The following MYO16 variants were observed in gnomAD, a reference collection of about 807,000 sequenced individuals.
MYO16 encodes unconventional myosin-XVI.
Under a neutral mutation model 205.3 loss-of-function variants are expected in MYO16, and 94 were observed. That is an observed-to-expected ratio of 0.46 (90% CI 0.39 to 0.54). MYO16 has a LOEUF of 0.54. MYO16 is among the 20% of genes least tolerant of loss of function. The pLI, the probability that MYO16 is intolerant of heterozygous loss-of-function variation, is 0.00. For synonymous variants in MYO16, 988 were observed against 954.0 expected, an observed-to-expected ratio of 1.04 and a Z score of -0.66; for missense variants, 2,315 against 2,387.5, an observed-to-expected ratio of 0.97 and a Z score of 0.63.
chr13:108,999,301 A>C (rs1248309182), intron 21 of MYO16, among the ~76,000 whole-genome samples: 1 of 152,196 alleles, frequency 6.6e-6, no homozygotes. Flanking sequence ...ATCTACCTCT[A>C]TCTTAAAGCA....
At chr13:109,052,552 G>C in intron 25 of MYO16, 77 bp downstream of exon 25, 2 of 1,140,178 alleles carry the variant, frequency 1.8e-6, no homozygotes, top group Non-Finnish European at 2.5e-6. Context: ...TTAAAAAAAA[G>C]CACAATTTTA....
intron 22 of MYO16, 90 bp from the exon 23 acceptor site, chr13:109,019,620 AC>A: frequency 9.8e-7 from 1 of 1,019,970 alleles, no homozygotes; most frequent in Middle Eastern, 3.3e-4. Context: ...TATGAATCTA[AC>A]AAAAATATAA....
chr13:109,161,100 A>G (rs1218230661), intron 32 of MYO16, among the ~76,000 whole-genome samples: 3 of 152,184 alleles, frequency 2.0e-5, no homozygotes, highest in Non-Finnish European at 2.9e-5. Flanking sequence ...GCGGAGGCTG[A>G]TGCATAATTC....
At chr13:108,554,769 G>A in the MYO16 span, among the ~76,000 whole-genome samples, 1 of 145,294 alleles carries the variant, frequency 6.9e-6, no homozygotes, top group Non-Finnish European at 1.5e-5. Flanking sequence ...AGAATGACGT[G>A]AACCCGGGAA....
At chr13:108,806,840 T>G (rs1486495097) in intron 7 of MYO16, 36 bp downstream of exon 7, 20 of 1,350,364 alleles carry the variant, frequency 1.5e-5, no homozygotes, top group Non-Finnish European at 1.9e-5. Context: ...AAAAATAATT[T>G]TATATAATTA....
chr13:108,775,438 T>C (rs529575772), intron 4 of MYO16, among the ~76,000 whole-genome samples: 1 of 152,298 alleles, frequency 6.6e-6, no homozygotes, highest in Non-Finnish European at 1.5e-5. Context: ...CAAAAGAAAT[T>C]ATTGAATCTG....
At chr13:108,886,695 T>C (rs983394526) in intron 13 of MYO16, among the ~76,000 whole-genome samples, 2 of 115,330 alleles carry the variant, frequency 1.7e-5, no homozygotes, top group African/African-American at 6.1e-5. Flanking sequence ...ACCGCAGGCT[T>C]GTTTAGGCAA....
intron 24 of MYO16, chr13:109,048,243 T>C (rs1160518401): frequency 3.2e-6 from 2 of 625,042 alleles, no homozygotes; most frequent in South Asian, 1.9e-5. Flanking sequence ...CTTATCTTAA[T>C]AGAGTCCCTG....
At chr13:109,105,329 A>G (rs1022785573) in intron 28 of MYO16, among the ~76,000 whole-genome samples, 13 of 152,156 alleles carry the variant, frequency 8.5e-5, no homozygotes, top group African/African-American at 1.9e-4. Context: ...AAAAATAGCC[A>G]GGGATGGTCG....
the MYO16 span, among the ~76,000 whole-genome samples, chr13:108,536,327 T>C: frequency 6.6e-6 from 1 of 152,078 alleles, no homozygotes; most frequent in African/African-American, 2.4e-5. Context: ...ACCCTGGACA[T>C]TCACAGTGGA....
At chr13:109,199,794 A>C (rs951235303) in intron 34 of MYO16, among the ~76,000 whole-genome samples, 1 of 152,172 alleles carries the variant, frequency 6.6e-6, no homozygotes, top group African/African-American at 2.4e-5. Context: ...ATAATATTTA[A>C]TTTACTGTGA....
chr13:108,684,423 T>C (rs1882590580), intron 2 of MYO16, among the ~76,000 whole-genome samples: 1 of 152,216 alleles, frequency 6.6e-6, no homozygotes, highest in Non-Finnish European at 1.5e-5. Flanking sequence ...GTATGTGCTA[T>C]TGTGATAGAA....
chr13:108,885,493 A>AT (rs1227673965), intron 13 of MYO16, among the ~76,000 whole-genome samples: 1 of 152,144 alleles, frequency 6.6e-6, no homozygotes. Flanking sequence ...AGGCAACCCT[A>AT]TTTTTATCTG....
At chr13:108,553,669 A>T in the MYO16 span, among the ~76,000 whole-genome samples, 2 of 152,328 alleles carry the variant, frequency 1.3e-5, no homozygotes, top group African/African-American at 4.8e-5. Context: ...TGAGGTTATG[A>T]TGTTGACAAC....
chr13:109,060,829 C>A (rs887536383), intron 27 of MYO16, among the ~76,000 whole-genome samples: 1 of 152,090 alleles, frequency 6.6e-6, no homozygotes, highest in Non-Finnish European at 1.5e-5. Flanking sequence ...GTCAGCCTGG[C>A]CTTCGAAGCT....
At chr13:108,791,675 C>A (rs147394244) in intron 5 of MYO16, among the ~76,000 whole-genome samples, 2 of 152,214 alleles carry the variant, frequency 1.3e-5, no homozygotes, top group South Asian at 4.2e-4. Flanking sequence ...AGCTGTGGCA[C>A]GAGGCAGAGT....
chr13:109,110,436 A>G (rs1292768588), intron 28 of MYO16, among the ~76,000 whole-genome samples: 1 of 152,220 alleles, frequency 6.6e-6, no homozygotes, highest in Non-Finnish European at 1.5e-5. Context: ...TCTAGGTAAG[A>G]ATAATTAATT....
rs7989547 is a variant in MYO16 at position 108,687,825 on chromosome 13, G to T, written c.292+21676G>T. Reference sequence around the variant, plus strand: ...TTGGTAGAAGTACATTATCTAAAACGAGGGAGGCAGAAGGACTGGGATAAT... The same window carrying T: ...TTGGTAGAAGTACATTATCTAAAACTAGGGAGGCAGAAGGACTGGGATAAT... On this transcript the variant is annotated intron_variant, in intron 2 of 34. Transcript: ENST00000457511. Among the ~76,000 whole-genome samples the T allele has an allele frequency of 3.3e-5, 5 of 152,220 alleles. No individual in the cohort carries two copies. In the East Asian group the frequency reaches 9.7e-4, roughly 29 times the overall value.
At chr13:109,061,428 G>A (rs112931700) in intron 27 of MYO16, among the ~76,000 whole-genome samples, 4 of 152,206 alleles carry the variant, frequency 2.6e-5, no homozygotes, top group East Asian at 1.9e-4. Context: ...AGTGAGAGAT[G>A]TGCATCTCTT....
Sources: allele counts gnomAD v4.1 joint callset (sites outside exome capture counted in the v4.1 genomes callset), GRCh38; gene constraint gnomAD v4.1.1; transcripts MANE v1.5; gene names NCBI Gene and HGNC (gene_info 2026-07-23, HGNC 2026-07-21).